The following IGSF9B variants were observed in gnomAD, a reference collection of about 807,000 sequenced individuals.
IGSF9B encodes the protein immunoglobulin superfamily member 9B, also known as protein turtle homolog B.
Under a neutral mutation model 143.7 loss-of-function variants are expected in IGSF9B, and 48 were observed. The observed-to-expected ratio is 0.33, with a 90% CI of 0.26 to 0.42. The LOEUF is 0.42. Ranked by LOEUF, IGSF9B falls within the 20% of genes least tolerant of loss-of-function variation. The probability of loss-of-function intolerance (pLI) is 1.00; values close to 1 mark genes in which losing one functional copy is unlikely to be tolerated. For synonymous variants in IGSF9B, 903 were observed against 833.1 expected (o/e 1.08, Z -1.44); for missense variants, 1,706 against 1,980.0 (o/e 0.86, Z 2.63).
At chr11:133,947,959 G>A (rs1274875260) in intron 1 of IGSF9B, among the ~76,000 whole-genome samples, 1 of 151,830 alleles carries the variant, frequency 6.6e-6, no homozygotes, top group Non-Finnish European at 1.5e-5. Flanking sequence ...GTCTTTCTGT[G>A]TCTCCCTCTG....
rs146522190 is a variant in IGSF9B at position 133,913,670 on chromosome 11, C to T, written c.3984-1663G>A. ...CACAGCCCTCTTGTGAAGAAGTGGC[C>T]AAACATGCCAGTCTACCCAGAGAGA... On this transcript the variant is annotated intron_variant, in intron 18 of 19. Coordinates refer to ENST00000533871, the MANE Select transcript of IGSF9B (RefSeq NM_001277285.4). The surrounding 1 kb of genome is among the most constrained non-coding windows in gnomAD (Gnocchi z 4.6). Among the ~76,000 whole-genome samples the T allele has an allele frequency of 1.5e-3, 232 of 152,270 alleles. 2 individuals carry two copies. Among genetic ancestry groups the T allele is most frequent in the African/African-American group, 5.3e-3 (221 of 41,550 alleles).
At position 133,920,492 on chromosome 11, in the gene IGSF9B, CG is replaced by C; in HGVS notation, c.3232del (p.Arg1078GlufsTer53). The part of the protein sequence containing the change: ...ESLQPKAGLP[R>X]GLPPTSLQVP... Reference sequence around the variant, plus strand: ...CTGCAGGGAGGTGGGGGGCAGTCCTCGGGGGAGGCCGGCCTTGGGCTGCAGA... The same window carrying C: ...CTGCAGGGAGGTGGGGGGCAGTCCTCGGGGAGGCCGGCCTTGGGCTGCAGA... On this transcript the variant is annotated frameshift_variant, in exon 18 of 20. Coordinates refer to ENST00000533871, the MANE Select transcript of IGSF9B (RefSeq NM_001277285.4). LOFTEE classifies it high-confidence loss of function. The C allele has an allele frequency of 1.9e-6, 3 of 1,581,792 alleles. No individual in the cohort carries two copies. The highest frequency in any genetic ancestry group is 2.6e-6 in the Non-Finnish European group (3 of 1,163,338).
intron 1 of IGSF9B, among the ~76,000 whole-genome samples, chr11:133,955,219 C>T (rs113747375): frequency 6.6e-6 from 1 of 152,208 alleles, no homozygotes; most frequent in Non-Finnish European, 1.5e-5. Context: ...AAGCGCAGCC[C>T]GATGCACCTC....
At chr11:133,910,258 C>T (rs967917052) in intron 19 of IGSF9B, among the ~76,000 whole-genome samples, 7 of 152,214 alleles carry the variant, frequency 4.6e-5, no homozygotes, top group Admixed American at 2.6e-4. Flanking sequence ...GATGCCGCTA[C>T]GTGTCCTGCA....
intron 3 of IGSF9B, among the ~76,000 whole-genome samples, chr11:133,940,514 C>T (rs1213083264): frequency 2.1e-4 from 30 of 142,386 alleles, no homozygotes; most frequent in Admixed American, 6.3e-4. Flanking sequence ...TCCTCGCACG[C>T]GTCATCACAT....
In IGSF9B at chr11:133,931,180, G is replaced by A. The variant is rs557617335; in HGVS notation, c.1369-46C>T. 3.8e-6 allele frequency: 6 copies of A among 1,575,802 alleles called. No individual in the cohort carries two copies. The African/African-American group carries it at 5.4e-5, about 14-fold the overall frequency. On this transcript the variant is annotated intron_variant, in intron 10 of 19. Coordinates refer to ENST00000533871, the MANE Select transcript of IGSF9B (RefSeq NM_001277285.4). The surrounding 1 kb of genome is among the most constrained non-coding windows in gnomAD (Gnocchi z 7.7). ...GAAGAGGGTGGGAACAGAAATGGGG[G>A]TTAGGAGAGAAGCCCGAAGCAGATG...
At chr11:133,950,571 G>A (rs565088472) in intron 1 of IGSF9B, among the ~76,000 whole-genome samples, 5 of 152,338 alleles carry the variant, frequency 3.3e-5, no homozygotes, top group South Asian at 4.1e-4. Flanking sequence ...CAGGCGCCGG[G>A]ATCAAGGCCT....
rs1311947227 is a variant in IGSF9B, at chr11:133,912,081, G to A, written c.3984-74C>T. On this transcript the variant is annotated intron_variant, in intron 18 of 19. Transcript: ENST00000533871. Reference sequence around the variant, plus strand: ...GCTTTGGAAGAGGGGCTGGAAGAAAGCCAAGTAGCTGACCCACAGAAGGAC... The same window carrying A: ...GCTTTGGAAGAGGGGCTGGAAGAAAACCAAGTAGCTGACCCACAGAAGGAC... 4 of 1,462,118 alleles carry A rather than the reference G, an allele frequency of 2.7e-6. No individual in the cohort carries two copies. The East Asian group carries it at 7.4e-5, about 27-fold the overall frequency. 90.6% of individuals were successfully genotyped at this position (1,462,118 alleles called of 1,614,324 possible). A position where few individuals can be genotyped will look rare whatever the true frequency, so the allele number is the denominator to read the frequency against.
At chr11:133,946,710 T>C (rs1161512565) in intron 1 of IGSF9B, among the ~76,000 whole-genome samples, 1 of 152,204 alleles carries the variant, frequency 6.6e-6, no homozygotes, top group Non-Finnish European at 1.5e-5. Flanking sequence ...ACATTCTTTC[T>C]GCTCCAGGAC....
intron 3 of IGSF9B, 78 bp from the exon 4 acceptor site, chr11:133,938,039 C>G: frequency 6.8e-7 from 1 of 1,480,856 alleles, no homozygotes; most frequent in Non-Finnish European, 9.3e-7. Context: ...CTGCCCCACA[C>G]ATCACCCTCG....
intron 14 of IGSF9B, 123 bp from the exon 15 acceptor site, chr11:133,925,027 A>C (rs191896007): frequency 2.6e-6 from 2 of 761,628 alleles, no homozygotes; most frequent in East Asian, 4.9e-5. Context: ...GAGGACTGCT[A>C]AGTGTCTAAT....
chr11:133,956,614 C>G, intron 1 of IGSF9B, 77 bp downstream of exon 1: 2 of 1,011,806 alleles, frequency 2.0e-6, no homozygotes, highest in African/African-American at 1.7e-5. Context: ...GCCAAGGAGC[C>G]GGGAAACCGA....
chr11:133,942,295 C>T (rs1296686713), intron 3 of IGSF9B, among the ~76,000 whole-genome samples: 3 of 152,296 alleles, frequency 2.0e-5, no homozygotes, highest in Admixed American at 6.5e-5. Context: ...CTTTTTGTAA[C>T]TGAGGAACCG....
intron 1 of IGSF9B, among the ~76,000 whole-genome samples, chr11:133,952,730 T>C (rs1940184823): frequency 6.6e-6 from 1 of 151,704 alleles, no homozygotes; most frequent in Non-Finnish European, 1.5e-5. Context: ...TATGCACACA[T>C]GCAGGGGCAC....
Position 133,925,793 on chromosome 11 carries a change from G to A in IGSF9B, c.1980C>T (p.Leu660=), listed in dbSNP as rs781304565. 1.7e-5 allele frequency: 27 copies of A among 1,613,746 alleles called. No individual in the cohort carries two copies. The highest frequency in any genetic ancestry group is 1.1e-4 in the East Asian group (5 of 44,892). The change falls in exon 14 of 20, where the codon CTC becomes CTT. Residue 660 remains leucine (L), a synonymous_variant. Coordinates refer to ENST00000533871, the MANE Select transcript of IGSF9B (RefSeq NM_001277285.4). ...EFRVAERWEL[L]DDGIPGTEGE... ...CTTCGGTGCCGGGGATGCCATCGTC[G>A]AGCAACTCCCAGCGCTCTGCGACAC...
At chr11:133,950,882 C>A (rs1421261561) in intron 1 of IGSF9B, among the ~76,000 whole-genome samples, 2 of 152,114 alleles carry the variant, frequency 1.3e-5, no homozygotes, top group African/African-American at 4.8e-5. Context: ...TCCTCCTCCT[C>A]CTCCTCCTCC....
Position 133,920,704 on chromosome 11 carries a change from A to G in IGSF9B, c.3021T>C (p.Phe1007=). 1 of 1,613,410 alleles carries G rather than the reference A, an allele frequency of 6.2e-7. No homozygotes were observed. The highest frequency in any genetic ancestry group is 8.5e-7 in the Non-Finnish European group (1 of 1,179,750). ...SSPPLPTEGP[F]GHPTIPEENG... is the part of the protein sequence containing the mutation. ...TCTCCTCGGGGATGGTGGGGTGGCCAAAGGGCCCCTCGGTGGGCAGGGGCG... is the reference window on the plus strand; with the variant it reads ...TCTCCTCGGGGATGGTGGGGTGGCCGAAGGGCCCCTCGGTGGGCAGGGGCG... The change falls in exon 18 of 20, where the codon TTT becomes TTC. Residue 1007 remains phenylalanine, a synonymous_variant. Coordinates refer to ENST00000533871, the MANE Select transcript of IGSF9B (RefSeq NM_001277285.4).
Position 133,911,941 on chromosome 11 carries a change from C to G in IGSF9B, c.4050G>C (p.Arg1350=). 2.0e-6 allele frequency: 3 copies of G among 1,534,996 alleles called. No individual in the cohort carries two copies. The highest frequency in any genetic ancestry group is 1.7e-6 in the Non-Finnish European group (2 of 1,146,546). The change falls in exon 19 of 20, where the codon CGG becomes CGC. Residue 1350 remains arginine, a synonymous_variant. Coordinates refer to ENST00000533871, the MANE Select transcript of IGSF9B (RefSeq NM_001277285.4). ...TGGATGACTTTTTGGGCTTCTTTAT[C>G]CGTTGGTATTTCAGAGCCTCCAGCC... ...PERLEALKYQ[R]IKKPKKSSKG... is the part of the protein sequence containing the mutation.
chr11:133,950,630 G>A (rs541084093), intron 1 of IGSF9B, among the ~76,000 whole-genome samples: 3 of 152,182 alleles, frequency 2.0e-5, no homozygotes, highest in Admixed American at 1.3e-4. Flanking sequence ...TGAGCCAGAG[G>A]TCGGCAACTC....
Sources: gnomAD v4.1 joint callset for allele counts (sites outside exome capture counted in the v4.1 genomes callset) on GRCh38, gnomAD v4.1.1 for gene constraint, Gnocchi (gnomAD v3.1) non-coding constraint, MANE v1.5 for transcripts, NCBI Gene and HGNC (gene_info 2026-07-23, HGNC 2026-07-21) for gene names.